The following MOB4 variants were observed in gnomAD, a reference collection of about 807,000 sequenced individuals.
MOB4 encodes MOB-like protein phocein.
Under a neutral mutation model 32.2 loss-of-function variants are expected in MOB4, and 4 were observed. The observed-to-expected ratio is 0.12, with a 90% CI of 0.06 to 0.28. The LOEUF is 0.28. Ranked by LOEUF, MOB4 falls within the 10% of genes least tolerant of loss-of-function variation. The pLI, the probability that MOB4 is intolerant of heterozygous loss-of-function variation, is 1.00. For missense variants in MOB4, 158 were observed against 271.2 expected, an observed-to-expected ratio of 0.58 and a Z score of 2.93; for synonymous variants, 88 against 88.1, an observed-to-expected ratio of 1.00 and a Z score of 0.01.
At chr2:197,539,182 ATAT>A (rs1254696789) in intron 3 of MOB4, among the ~76,000 whole-genome samples, 3 of 152,166 alleles carry the variant, frequency 2.0e-5, no homozygotes, top group Non-Finnish European at 4.4e-5. Context: ...ATTGAACTAA[ATAT>A]TAATAGGTAG....
intron 1 of MOB4, among the ~76,000 whole-genome samples, chr2:197,516,987 T>C (rs1485001070): frequency 6.6e-6 from 1 of 152,250 alleles, no homozygotes; most frequent in African/African-American, 2.4e-5. Context: ...CTAGATGCTC[T>C]GAAATCGGAA....
At chr2:197,515,963 C>T (rs184524835), upstream of MOB4, 256 of 1,009,138 alleles carry the variant, frequency 2.5e-4, no homozygotes, top group African/African-American at 3.9e-3. Context: ...CCGGCGCAGG[C>T]TGCAGCTGTT....
chr2:197,542,242 C>A (rs2086909151), intron 5 of MOB4, among the ~76,000 whole-genome samples: 1 of 152,152 alleles, frequency 6.6e-6, no homozygotes, highest in Non-Finnish European at 1.5e-5. Flanking sequence ...AGCATTAAGA[C>A]CTGTAAATTG....
intron 5 of MOB4, among the ~76,000 whole-genome samples, chr2:197,547,357 T>G (rs1257957082): frequency 6.6e-6 from 1 of 152,190 alleles, no homozygotes; most frequent in Non-Finnish European, 1.5e-5. Context: ...ATGACAAATA[T>G]GAGAAATACA....
intron 1 of MOB4, chr2:197,516,831 G>A (rs2086423880): frequency 2.3e-6 from 1 of 430,660 alleles, no homozygotes; most frequent in Non-Finnish European, 4.9e-6. Context: ...TTTTTGTAGG[G>A]CATTATGTGT....
Position 197,536,567 on chromosome 2 carries a change from A to G in MOB4, c.224+937A>G, listed in dbSNP as rs139701041. On this transcript the variant is annotated intron_variant, in intron 3 of 7. Coordinates refer to ENST00000323303, the MANE Select transcript of MOB4 (RefSeq NM_015387.5). ...GCTAATATAGTATTTCCGTTTCCCCATTTTTGCATAACTGTGTCATCTTTT... is the reference window on the plus strand; with the variant it reads ...GCTAATATAGTATTTCCGTTTCCCCGTTTTTGCATAACTGTGTCATCTTTT... 5.4e-3 allele frequency among the ~76,000 whole-genome samples: 639 copies of G among 117,800 alleles called. 3 individuals carry two copies. The highest frequency in any genetic ancestry group is 0.015 in the Middle Eastern group (3 of 194). The allele number at this position is 117,800 out of a possible 152,430, so 77.3% of individuals were successfully genotyped here.
chr2:197,547,906 A>G (rs2087025640), intron 5 of MOB4, among the ~76,000 whole-genome samples: 1 of 152,166 alleles, frequency 6.6e-6, no homozygotes, highest in South Asian at 2.1e-4. Context: ...ATATAAGGAA[A>G]CTTTGATATT....
intron 2 of MOB4, 106 bp downstream of exon 2, chr2:197,523,792 A>G: frequency 2.8e-6 from 3 of 1,053,106 alleles, no homozygotes; most frequent in Non-Finnish European, 2.7e-6. Flanking sequence ...TCTGCTTCCC[A>G]ATAAAGCGTG....
At chr2:197,533,265 G>A (rs906291580) in intron 2 of MOB4, among the ~76,000 whole-genome samples, 13 of 152,146 alleles carry the variant, frequency 8.5e-5, no homozygotes, top group Non-Finnish European at 1.5e-4. Flanking sequence ...TTGGGGGAAC[G>A]AGAGATTTGG....
rs1386075927 is a variant in MOB4, at chr2:197,553,444, G to C, written c.*2798G>C. The C allele has an allele frequency of 6.6e-6, 1 of 151,836 alleles. No homozygotes were observed. The highest frequency in any genetic ancestry group is 1.5e-5 in the Non-Finnish European group (1 of 67,946). The allele number at this position is 151,836 out of a possible 1,614,324, so 9.4% of individuals were successfully genotyped here. A position where few individuals can be genotyped will look rare whatever the true frequency, so the allele number is the denominator to read the frequency against. On this transcript the variant is annotated 3_prime_UTR_variant, in exon 8 of 8. Coordinates refer to ENST00000323303, the MANE Select transcript of MOB4 (RefSeq NM_015387.5). Reference sequence around the variant, plus strand: ...TCCGTCTCAAAAAAAAAAAATCCTTGATTACATTGTTAGTAAGGACTGTGT... The same window carrying C: ...TCCGTCTCAAAAAAAAAAAATCCTTCATTACATTGTTAGTAAGGACTGTGT...
chr2:197,520,125 C>T (rs1039507836), intron 1 of MOB4, among the ~76,000 whole-genome samples: 6 of 151,712 alleles, frequency 4.0e-5, no homozygotes, highest in African/African-American at 1.2e-4. Flanking sequence ...CATTCCTTTT[C>T]TTTTCTGTAT....
chr2:197,534,794 C>T (rs929558237), intron 2 of MOB4, among the ~76,000 whole-genome samples: 2 of 152,092 alleles, frequency 1.3e-5, no homozygotes, highest in Admixed American at 6.6e-5. Flanking sequence ...CTGCCCACCT[C>T]GGCCTCCCAA....
chr2:197,545,638 C>T (rs1381220941), intron 5 of MOB4, among the ~76,000 whole-genome samples: 2 of 152,046 alleles, frequency 1.3e-5, no homozygotes, highest in Non-Finnish European at 2.9e-5. Context: ...CATACTACAC[C>T]ATGGATAAGC....
In MOB4 at chr2:197,553,081, T is replaced by C. The variant is rs2087122959; in HGVS notation, c.*2435T>C. On this transcript the variant is annotated 3_prime_UTR_variant, in exon 8 of 8. Coordinates refer to ENST00000323303, the MANE Select transcript of MOB4 (RefSeq NM_015387.5). ...ACTTGAGATGTCAAATTTGGATTTCTAGAACAGTTTCTCAGTTAAATTCTT... is the reference window on the plus strand; with the variant it reads ...ACTTGAGATGTCAAATTTGGATTTCCAGAACAGTTTCTCAGTTAAATTCTT... 1 of 152,220 alleles carries C rather than the reference T, an allele frequency of 6.6e-6. No homozygotes were observed. The highest frequency in any genetic ancestry group is 1.5e-5 in the Non-Finnish European group (1 of 68,042). The allele number at this position is 152,220 out of a possible 1,614,324, so 9.4% of individuals were successfully genotyped here. A position where few individuals can be genotyped will look rare whatever the true frequency, so the allele number is the denominator to read the frequency against.
At chr2:197,522,476 G>A (rs773566985) in intron 1 of MOB4, among the ~76,000 whole-genome samples, 3 of 151,234 alleles carry the variant, frequency 2.0e-5, no homozygotes, top group East Asian at 2.0e-4. Flanking sequence ...GATTACAGGC[G>A]CACGCCACCA....
intron 5 of MOB4, among the ~76,000 whole-genome samples, chr2:197,545,790 A>G (rs1264546331): frequency 1.3e-5 from 2 of 152,198 alleles, no homozygotes; most frequent in African/African-American, 4.8e-5. Flanking sequence ...GAGAATGGGA[A>G]GTGACTGCTA....
At chr2:197,534,358 TTACA>T (rs1434315145) in intron 2 of MOB4, among the ~76,000 whole-genome samples, 7 of 152,206 alleles carry the variant, frequency 4.6e-5, no homozygotes, top group African/African-American at 1.4e-4. Flanking sequence ...TTTTATGTTA[TTACA>T]TTTTAAAAAT....
At chr2:197,531,106 G>T (rs191460636) in intron 2 of MOB4, among the ~76,000 whole-genome samples, 1 of 149,578 alleles carries the variant, frequency 6.7e-6, no homozygotes, top group Non-Finnish European at 1.5e-5. Flanking sequence ...GGAGTGCAGT[G>T]GCGCGATCTC....
chr2:197,529,764 C>G (rs1333885122), intron 2 of MOB4, among the ~76,000 whole-genome samples: 2 of 152,070 alleles, frequency 1.3e-5, no homozygotes, highest in African/African-American at 4.8e-5. Flanking sequence ...AGCCATTCTC[C>G]TGCCTCAGCC....
Sources: gnomAD v4.1 joint callset for allele counts (sites outside exome capture counted in the v4.1 genomes callset) on GRCh38, gnomAD v4.1.1 for gene constraint, MANE v1.5 for transcripts, NCBI Gene and HGNC (gene_info 2026-07-23, HGNC 2026-07-21) for gene names.